APBB2: variants seen among roughly 807,000 people sequenced by gnomAD.
APBB2 encodes the protein Fe65-like 1.
Under a neutral mutation model 82.5 loss-of-function variants are expected in APBB2, and 38 were observed. That is an observed-to-expected ratio of 0.46 (90% CI 0.36 to 0.60). APBB2 has a LOEUF of 0.60. APBB2 is among the 20% of genes least tolerant of loss of function. The probability of loss-of-function intolerance (pLI) is 0.00; values close to 1 mark genes in which losing one functional copy is unlikely to be tolerated. For missense variants in APBB2, 772 were observed against 972.3 expected (o/e 0.79, Z 2.74); for synonymous variants, 341 against 368.2 (o/e 0.93, Z 0.85).
intron 12 of APBB2, among the ~76,000 whole-genome samples, chr4:40,862,582 C>T (rs566802420): frequency 5.3e-5 from 8 of 152,322 alleles, no homozygotes; most frequent in Non-Finnish European, 7.3e-5. Flanking sequence ...GGGTCCTAGC[C>T]GGGCACCGCG....
intron 1 of APBB2, among the ~76,000 whole-genome samples, chr4:41,192,219 A>C (rs527248481): frequency 6.6e-6 from 1 of 152,326 alleles, no homozygotes; most frequent in East Asian, 1.9e-4. Context: ...TCATTATGGA[A>C]AACAGTATGG....
chr4:41,062,409 C>T (rs1476799079), intron 4 of APBB2, among the ~76,000 whole-genome samples: 1 of 151,908 alleles, frequency 6.6e-6, no homozygotes, highest in Non-Finnish European at 1.5e-5. Flanking sequence ...GAATTCCTGA[C>T]CTCCGGTGAT....
intron 10 of APBB2, among the ~76,000 whole-genome samples, chr4:40,905,027 C>T (rs1270927614): frequency 6.6e-6 from 1 of 152,128 alleles, no homozygotes; most frequent in East Asian, 1.9e-4. Flanking sequence ...TTCCCCCTTC[C>T]TATTTTTCAG....
intron 4 of APBB2, among the ~76,000 whole-genome samples, chr4:41,039,818 G>A (rs1293062838): frequency 6.9e-6 from 1 of 144,140 alleles, no homozygotes; most frequent in African/African-American, 2.6e-5. Flanking sequence ...TGTGAAACAA[G>A]GTGTGAGACC....
intron 5 of APBB2, among the ~76,000 whole-genome samples, chr4:41,028,846 G>A (rs948237842): frequency 2.6e-5 from 4 of 152,214 alleles, no homozygotes; most frequent in Admixed American, 2.6e-4. Flanking sequence ...TACTGGCCCT[G>A]TAACTCGGAC....
chr4:40,944,050 T>C (rs1787717963), intron 7 of APBB2, among the ~76,000 whole-genome samples: 1 of 152,266 alleles, frequency 6.6e-6, no homozygotes, highest in South Asian at 2.1e-4. Flanking sequence ...GTAGTTCTAA[T>C]GCCCTCATGC....
intron 3 of APBB2, among the ~76,000 whole-genome samples, chr4:41,099,369 C>T (rs1029169443): frequency 6.6e-5 from 10 of 152,150 alleles, no homozygotes; most frequent in African/African-American, 2.4e-4. Context: ...GCTGGGATTA[C>T]AGGCATGCAC....
chr4:40,951,531 G>A (rs1330741213), intron 6 of APBB2, among the ~76,000 whole-genome samples: 2 of 152,262 alleles, frequency 1.3e-5, no homozygotes, highest in Non-Finnish European at 1.5e-5. Context: ...GTGCAACTGC[G>A]TGGCAACTGA....
chr4:40,954,137 T>C (rs1790956221), intron 6 of APBB2, among the ~76,000 whole-genome samples: 1 of 152,120 alleles, frequency 6.6e-6, no homozygotes, highest in Admixed American at 6.5e-5. Context: ...AATAACCCTC[T>C]TCCCCCTAGG....
intron 3 of APBB2, among the ~76,000 whole-genome samples, chr4:41,080,357 C>T (rs1343307244): frequency 6.6e-6 from 1 of 151,990 alleles, no homozygotes; most frequent in Non-Finnish European, 1.5e-5. Flanking sequence ...GTTGATGTGA[C>T]CAAAAGGGCT....
At chr4:40,879,760 C>T (rs1043154335) in intron 12 of APBB2, among the ~76,000 whole-genome samples, 5 of 150,626 alleles carry the variant, frequency 3.3e-5, no homozygotes, top group South Asian at 2.1e-4. Flanking sequence ...GGCACAATCT[C>T]GGCTCACTGC....
chr4:41,139,666 G>C (rs188917785), intron 2 of APBB2, among the ~76,000 whole-genome samples: 149 of 152,268 alleles, frequency 9.8e-4, no homozygotes, highest in African/African-American at 3.4e-3. Flanking sequence ...AAGCCAATCT[G>C]AAAAGTCTAT....
At chr4:41,102,173 A>T (rs942665691) in intron 2 of APBB2, among the ~76,000 whole-genome samples, 10 of 152,144 alleles carry the variant, frequency 6.6e-5, no homozygotes, top group Admixed American at 5.9e-4. Flanking sequence ...TGATACACTC[A>T]TTTACAAGCC....
intron 1 of APBB2, among the ~76,000 whole-genome samples, chr4:41,192,508 T>C (rs1031135932): frequency 6.6e-6 from 1 of 152,090 alleles, no homozygotes; most frequent in African/African-American, 2.4e-5. Flanking sequence ...ACCTAGAAGA[T>C]ATTATGCTAA....
At chr4:40,997,441 A>G (rs1231780225) in intron 6 of APBB2, among the ~76,000 whole-genome samples, 3 of 152,284 alleles carry the variant, frequency 2.0e-5, no homozygotes, top group South Asian at 4.1e-4. Flanking sequence ...CATAAGCATC[A>G]CTCATGTTTC....
At chr4:41,019,468 C>A (rs1177505752) in intron 5 of APBB2, among the ~76,000 whole-genome samples, 1 of 152,058 alleles carries the variant, frequency 6.6e-6, no homozygotes, top group Non-Finnish European at 1.5e-5. Context: ...GCGAAACTGG[C>A]AGCCTTAATT....
chr4:41,094,514 GA>G (rs1294891044), intron 3 of APBB2, among the ~76,000 whole-genome samples: 1 of 152,102 alleles, frequency 6.6e-6, no homozygotes, highest in African/African-American at 2.4e-5. Context: ...CCTATAGAAT[GA>G]AAAATTATTT....
chr4:41,090,456 C>G (rs1320789806), intron 3 of APBB2, among the ~76,000 whole-genome samples: 1 of 152,168 alleles, frequency 6.6e-6, no homozygotes, highest in Non-Finnish European at 1.5e-5. Context: ...ATTAATTTCT[C>G]TCTACAGTAC....
intron 6 of APBB2, among the ~76,000 whole-genome samples, chr4:40,973,939 C>T (rs1796548129): frequency 6.6e-6 from 1 of 151,790 alleles, no homozygotes; most frequent in Non-Finnish European, 1.5e-5. Context: ...GCAACCTCCG[C>T]CCCCCAAGTT....
Sources: gnomAD v4.1 joint callset for allele counts (sites outside exome capture counted in the v4.1 genomes callset) on GRCh38, gnomAD v4.1.1 for gene constraint, MANE v1.5 for transcripts, NCBI Gene and HGNC (gene_info 2026-07-23, HGNC 2026-07-21) for gene names.